The following RPL32 variants were observed in gnomAD, a reference collection of about 807,000 sequenced individuals.
The protein encoded by RPL32 is ribosomal protein L32.
For synonymous variants in RPL32, 61 were observed against 62.6 expected (o/e 0.98, Z 0.12); for missense variants, 117 against 173.7 (o/e 0.67, Z 1.83).
chr3:12,837,985 C>T (rs2062112623), intron 3 of RPL32, among the ~76,000 whole-genome samples: 1 of 152,176 alleles, frequency 6.6e-6, no homozygotes. Context: ...GTGGTCCTAG[C>T]TACCAGGAAG....
At chr3:12,837,401 C>T (rs1044664667) in intron 3 of RPL32, among the ~76,000 whole-genome samples, 2 of 152,222 alleles carry the variant, frequency 1.3e-5, no homozygotes, top group Non-Finnish European at 2.9e-5. Flanking sequence ...AGAGATCAAA[C>T]GTCAAAGAGT....
At chr3:12,838,642 A>C (rs2062119981) in intron 3 of RPL32, among the ~76,000 whole-genome samples, 1 of 151,462 alleles carries the variant, frequency 6.6e-6, no homozygotes, top group Non-Finnish European at 1.5e-5. Context: ...TTGTAAGCCA[A>C]AAATAAAATT....
rs1422412720 is a variant in RPL32, at chr3:12,839,339, C to A, written c.278+10G>T. ...TGATCACTGAAAACTAGAGGTGGGACCCAACTCACTTGTTGCACATCAGCA... is the reference window on the plus strand; with the variant it reads ...TGATCACTGAAAACTAGAGGTGGGAACCAACTCACTTGTTGCACATCAGCA... On this transcript the variant is annotated intron_variant, in intron 3 of 3. Transcript: ENST00000429711. The A allele has an allele frequency of 1.2e-6, 2 of 1,613,602 alleles. No homozygotes were observed. Among genetic ancestry groups the A allele is most frequent in the East Asian group, 2.2e-5 (1 of 44,900 alleles).
rs554042427 is a variant in RPL32 at position 12,839,549 on chromosome 3, A to C, written c.97-19T>G. On this transcript the variant is annotated intron_variant, in intron 2 of 3. Transcript: ENST00000429711. Reference sequence around the variant, plus strand: ...AGTTACGCTGAAGGAAATAATACACAGGTGGGTTAGCGTCTGTGCAGAGTG... The same window carrying C: ...AGTTACGCTGAAGGAAATAATACACCGGTGGGTTAGCGTCTGTGCAGAGTG... 6.2e-7 allele frequency: 1 copy of C among 1,613,484 alleles called. No individual in the cohort carries two copies. Among genetic ancestry groups the C allele is most frequent in the African/African-American group, 1.3e-5 (1 of 75,042 alleles).
chr3:12,836,583 G>C (rs1031034514), intron 3 of RPL32, among the ~76,000 whole-genome samples: 1 of 152,180 alleles, frequency 6.6e-6, no homozygotes, highest in Admixed American at 6.5e-5. Context: ...CAGGGTGCTT[G>C]ACCTTGCCCA....
At chr3:12,840,596 G>C (rs11707654) in intron 1 of RPL32, 10,624 of 452,378 alleles carry the variant, frequency 0.023, 172 homozygotes, top group Non-Finnish European at 0.03. Flanking sequence ...CGGTAGTACT[G>C]GCCTTGACCA....
chr3:12,840,726 T>G, intron 1 of RPL32: 1 of 338,492 alleles, frequency 3.0e-6, no homozygotes. Context: ...CCTAGGGAGC[T>G]GCTGCGCTAC....
intron 3 of RPL32, chr3:12,839,032 ACATTT>A: frequency 2.4e-6 from 1 of 415,554 alleles, no homozygotes; most frequent in South Asian, 2.7e-5. Flanking sequence ...AAAGAAAGCA[ACATTT>A]TGGAAACAAC....
At chr3:12,836,824 T>C (rs1201747068) in intron 3 of RPL32, among the ~76,000 whole-genome samples, 1 of 152,276 alleles carries the variant, frequency 6.6e-6, no homozygotes, top group Middle Eastern at 3.4e-3. Context: ...TGATAACCAA[T>C]AGGCCTAACA....
chr3:12,837,846 T>A (rs554915019), intron 3 of RPL32, among the ~76,000 whole-genome samples: 19 of 152,360 alleles, frequency 1.2e-4, no homozygotes, highest in Admixed American at 5.9e-4. Context: ...TCACTTCCCA[T>A]GAGAATTTTT....
intron 3 of RPL32, among the ~76,000 whole-genome samples, chr3:12,837,358 T>C (rs776942067): frequency 1.3e-5 from 2 of 152,246 alleles, no homozygotes; most frequent in African/African-American, 2.4e-5. Flanking sequence ...TGCTTTTCCA[T>C]TCCTTAAGGA....
intron 3 of RPL32, among the ~76,000 whole-genome samples, chr3:12,836,461 G>A (rs1411969748): frequency 6.6e-6 from 1 of 152,078 alleles, no homozygotes; most frequent in Non-Finnish European, 1.5e-5. Flanking sequence ...TTGTAATCCA[G>A]GCATTACCTC....
chr3:12,836,523 C>T (rs376132688), intron 3 of RPL32, among the ~76,000 whole-genome samples: 2 of 152,120 alleles, frequency 1.3e-5, no homozygotes, highest in African/African-American at 2.4e-5. Flanking sequence ...GACAGGGATC[C>T]GGGGCGAACC....
Position 12,839,695 on chromosome 3 carries a change from G to A in RPL32, c.97-165C>T, listed in dbSNP as rs541862887. 1.0e-4 allele frequency: 73 copies of A among 732,090 alleles called. No homozygotes were observed. In the East Asian group the frequency reaches 1.7e-3, roughly 17 times the overall value. The allele number at this position is 732,090 out of a possible 1,614,324, so 45.3% of individuals were successfully genotyped here. On this transcript the variant is annotated intron_variant, in intron 2 of 3. Coordinates refer to ENST00000429711, the MANE Select transcript of RPL32 (RefSeq NM_000994.4). ...TTACTTTTTTGGTGGGAAAAACCAG[G>A]AGCTCGTGGCTTTAGCCACTAGGGA...
chr3:12,836,966 C>A (rs3773304), intron 3 of RPL32, among the ~76,000 whole-genome samples: 76,383 of 152,058 alleles, frequency 0.5, 19,430 homozygotes, highest in Middle Eastern at 0.55. Flanking sequence ...AGTGGACACA[C>A]AGCTCTTTTC....
Position 12,834,753 on chromosome 3 carries a change from C to G in RPL32, c.*1341G>C, listed in dbSNP as rs1206727587. On this transcript the variant is annotated 3_prime_UTR_variant, in exon 4 of 4. Coordinates refer to ENST00000429711, the MANE Select transcript of RPL32 (RefSeq NM_000994.4). Reference sequence around the variant, plus strand: ...GGACAAAGAAATACAAGTGGCAGGCCCAAGTATTTTCTGTGATATCCCAGG... The same window carrying G: ...GGACAAAGAAATACAAGTGGCAGGCGCAAGTATTTTCTGTGATATCCCAGG... 2 of 152,094 alleles carry G rather than the reference C, an allele frequency of 1.3e-5. No individual in the cohort carries two copies. Among genetic ancestry groups the G allele is most frequent in the African/African-American group, 4.8e-5 (2 of 41,412 alleles). The allele number at this position is 152,094 out of a possible 1,614,324, so 9.4% of individuals were successfully genotyped here. A position where few individuals can be genotyped will look rare whatever the true frequency, so the allele number is the denominator to read the frequency against.
intron 2 of RPL32, 29 bp from the exon 3 acceptor site, chr3:12,839,559 G>A: frequency 6.2e-7 from 1 of 1,609,642 alleles, no homozygotes; most frequent in Non-Finnish European, 8.5e-7. Flanking sequence ...AGGTGGGTTA[G>A]CGTCTGTGCA....
intron 2 of RPL32, 196 bp from the exon 3 acceptor site, chr3:12,839,726 G>A (rs2062132414): frequency 6.3e-6 from 4 of 635,094 alleles, no homozygotes; most frequent in Admixed American, 2.8e-5. Flanking sequence ...AGGGATGAAG[G>A]CACCCCCACC....
chr3:12,839,588 T>C, intron 2 of RPL32, 58 bp from the exon 3 acceptor site: 1 of 1,540,848 alleles, frequency 6.5e-7, no homozygotes, highest in Non-Finnish European at 9.0e-7. Context: ...ACTCTTCCTT[T>C]TGGGGAGGGA....
Sources: allele counts gnomAD v4.1 joint callset (sites outside exome capture counted in the v4.1 genomes callset), GRCh38; gene constraint gnomAD v4.1.1; transcripts MANE v1.5; gene names NCBI Gene and HGNC (gene_info 2026-07-23, HGNC 2026-07-21).